The following ZNF804B variants were observed in gnomAD, a reference collection of about 807,000 sequenced individuals.
The protein encoded by ZNF804B is zinc finger protein 804B.
In ZNF804B, 80 loss-of-function variants were observed where a neutral mutation model predicts 101.4. The ratio of observed to expected loss-of-function variants is 0.79; its 90% confidence interval spans 0.66 to 0.95. The LOEUF (loss-of-function observed/expected upper bound fraction) is 0.95, where lower values mean the gene tolerates loss of function less well. Among genes scored for constraint, ZNF804B ranks in the 40% least tolerant of loss-of-function variants. ZNF804B has a pLI of 0.00. For missense variants in ZNF804B, 1,673 were observed against 1,561.9 expected (o/e 1.07, Z -1.20); for synonymous variants, 622 against 558.8 (o/e 1.11, Z -1.59).
At chr7:88,884,065 C>G (rs1003584185) in intron 1 of ZNF804B, among the ~76,000 whole-genome samples, 1 of 151,692 alleles carries the variant, frequency 6.6e-6, no homozygotes, top group Non-Finnish European at 1.5e-5. Flanking sequence ...TTTTCTCAAA[C>G]TAAATAATAC....
chr7:88,851,560 GA>G (rs201446759), intron 1 of ZNF804B, among the ~76,000 whole-genome samples: 1,683 of 151,956 alleles, frequency 0.011, 17 homozygotes, highest in Middle Eastern at 0.024. Context: ...ATGAAATAAA[GA>G]TTTTTTTTTC....
chr7:88,762,402 CACTT>C (rs1293750841), intron 1 of ZNF804B, among the ~76,000 whole-genome samples: 1 of 152,160 alleles, frequency 6.6e-6, no homozygotes, highest in African/African-American at 2.4e-5. Context: ...CATTACATAA[CACTT>C]AGCCTTTCTC....
At chr7:88,989,375 T>C (rs951283769) in intron 1 of ZNF804B, among the ~76,000 whole-genome samples, 1 of 152,116 alleles carries the variant, frequency 6.6e-6, no homozygotes, top group African/African-American at 2.4e-5. Context: ...CCTCAGTCTT[T>C]ATTCCTATAA....
chr7:89,050,644 A>G (rs1228839881), intron 1 of ZNF804B, among the ~76,000 whole-genome samples: 1 of 152,174 alleles, frequency 6.6e-6, no homozygotes, highest in Non-Finnish European at 1.5e-5. Context: ...GGTGCATTAG[A>G]TATCGTCATC....
intron 2 of ZNF804B, among the ~76,000 whole-genome samples, chr7:89,223,319 G>A (rs1490160884): frequency 3.3e-5 from 5 of 151,786 alleles, no homozygotes; most frequent in Admixed American, 3.3e-4. Flanking sequence ...ATCTGATAAC[G>A]AAATAATCTA....
chr7:89,087,637 T>C (rs1450655510), intron 1 of ZNF804B, among the ~76,000 whole-genome samples: 1 of 152,032 alleles, frequency 6.6e-6, no homozygotes, highest in Admixed American at 6.6e-5. Flanking sequence ...TGTTGAACTT[T>C]ACATATTAAA....
chr7:88,963,845 T>C (rs1056529475), intron 1 of ZNF804B, among the ~76,000 whole-genome samples: 11 of 149,182 alleles, frequency 7.4e-5, no homozygotes, highest in African/African-American at 2.8e-4. Flanking sequence ...AACAAAAAAG[T>C]AAAATAATAA....
At chr7:88,824,115 C>T (rs1791022539) in intron 1 of ZNF804B, among the ~76,000 whole-genome samples, 1 of 152,118 alleles carries the variant, frequency 6.6e-6, no homozygotes, top group Non-Finnish European at 1.5e-5. Flanking sequence ...CTCTACAATC[C>T]CAATTTTTCT....
At chr7:88,854,537 T>TTCCTTTCCTTTCCTTCCCTTC (rs774304273) in intron 1 of ZNF804B, among the ~76,000 whole-genome samples, 3 of 95,142 alleles carry the variant, frequency 3.2e-5, no homozygotes, top group Admixed American at 2.5e-4. Flanking sequence ...TTTCCTTCCT[T>TTCCTTTCCTTTCCTTCCCTTC]CCTTCCTTCC....
At chr7:89,151,698 C>A (rs1367838344) in intron 1 of ZNF804B, among the ~76,000 whole-genome samples, 1 of 124,906 alleles carries the variant, frequency 8.0e-6, no homozygotes, top group Non-Finnish European at 1.8e-5. Context: ...TTCAGATCTC[C>A]TGAAAAAAAA....
chr7:88,888,892 C>T (rs757395163), intron 1 of ZNF804B, among the ~76,000 whole-genome samples: 7 of 152,044 alleles, frequency 4.6e-5, no homozygotes, highest in Non-Finnish European at 7.4e-5. Context: ...GATTGCATCA[C>T]CCAGGTAGTG....
chr7:88,825,808 C>A (rs1034163919), intron 1 of ZNF804B, among the ~76,000 whole-genome samples: 1 of 152,152 alleles, frequency 6.6e-6, no homozygotes, highest in Non-Finnish European at 1.5e-5. Context: ...CACTTAAACT[C>A]TTCCTCTGTC....
At chr7:88,988,271 A>G (rs1307264580) in intron 1 of ZNF804B, among the ~76,000 whole-genome samples, 1 of 152,048 alleles carries the variant, frequency 6.6e-6, no homozygotes, top group African/African-American at 2.4e-5. Context: ...ATACAAATAA[A>G]TGAAGTATGT....
At chr7:89,020,006 C>G (rs1788639569) in intron 1 of ZNF804B, among the ~76,000 whole-genome samples, 1 of 151,962 alleles carries the variant, frequency 6.6e-6, no homozygotes, top group South Asian at 2.1e-4. Context: ...CATCATTTCG[C>G]TTCATATTTT....
chr7:88,819,917 T>C (rs1389502395), intron 1 of ZNF804B, among the ~76,000 whole-genome samples: 2 of 152,180 alleles, frequency 1.3e-5, no homozygotes, highest in Non-Finnish European at 2.9e-5. Flanking sequence ...AGAGTTTTGC[T>C]CAGGAAGCAT....
At chr7:89,017,786 G>C (rs146209081) in intron 1 of ZNF804B, among the ~76,000 whole-genome samples, 2 of 151,928 alleles carry the variant, frequency 1.3e-5, no homozygotes, top group Admixed American at 1.3e-4. Context: ...TTTTAAATGG[G>C]ATTTCTTTTT....
At chr7:89,080,166 C>G (rs1209234723) in intron 1 of ZNF804B, among the ~76,000 whole-genome samples, 2 of 151,532 alleles carry the variant, frequency 1.3e-5, no homozygotes, top group Non-Finnish European at 2.9e-5. Context: ...GTGGTGGTGA[C>G]AGGTAATCAA....
intron 1 of ZNF804B, among the ~76,000 whole-genome samples, chr7:89,141,889 A>T (rs1385812380): frequency 2.4e-5 from 1 of 41,148 alleles, no homozygotes; most frequent in Non-Finnish European, 4.5e-5. Context: ...AAAAGAAAAA[A>T]TATATAATAA....
chr7:89,334,170 G>C lies in ZNF804B; in HGVS notation c.1188G>C (p.Lys396Asn). ...CATCACTGGAGCCAAGTGAACAAAAGAGTACAGTGCATCTGAATCCAAATT... is the reference window on the plus strand; with the variant it reads ...CATCACTGGAGCCAAGTGAACAAAACAGTACAGTGCATCTGAATCCAAATT... ...EFSSLEPSEQ[K>N]STVHLNPNSR... The change falls in exon 4 of 4, where the codon AAG becomes AAC. Residue 396 changes from lysine (K) to asparagine (N), a missense_variant. Transcript: ENST00000333190. 3 of 1,613,514 alleles carry C rather than the reference G, an allele frequency of 1.9e-6. No individual in the cohort carries two copies. Among genetic ancestry groups the C allele is most frequent in the Non-Finnish European group, 2.5e-6 (3 of 1,179,820 alleles).
Sources: allele counts gnomAD v4.1 joint callset (sites outside exome capture counted in the v4.1 genomes callset), GRCh38; gene constraint gnomAD v4.1.1; transcripts MANE v1.5; gene names NCBI Gene and HGNC (gene_info 2026-07-23, HGNC 2026-07-21).